Variants in NRXN3 observed in about 807,000 individuals in gnomAD.
The protein encoded by NRXN3 is neurexin III.
Under a neutral mutation model 137.6 loss-of-function variants are expected in NRXN3, and 32 were observed. The ratio of observed to expected loss-of-function variants is 0.23; its 90% CI spans 0.18 to 0.31. The LOEUF (loss-of-function observed/expected upper bound fraction) is 0.31, where lower values mean the gene tolerates loss of function less well. NRXN3 is among the 10% of genes least tolerant of loss of function. The probability of loss-of-function intolerance (pLI) is 1.00; values close to 1 mark genes in which losing one functional copy is unlikely to be tolerated. For synonymous variants in NRXN3, 798 were observed against 784.5 expected (o/e 1.02, Z -0.29); for missense variants, 1,574 against 2,062.5 (o/e 0.76, Z 4.59).
intron 15 of NRXN3, among the ~76,000 whole-genome samples, chr14:78,995,278 G>A (rs1598348034): frequency 6.6e-6 from 1 of 152,108 alleles, no homozygotes; most frequent in Non-Finnish European, 1.5e-5. Context: ...AATGTCTTTA[G>A]CCATTATAGA....
At chr14:78,542,192 A>C (rs569457023) in intron 4 of NRXN3, among the ~76,000 whole-genome samples, 9 of 152,332 alleles carry the variant, frequency 5.9e-5, no homozygotes, top group Admixed American at 5.9e-4. Context: ...TGAGAGAACC[A>C]CTGCTCTCTT....
At chr14:78,838,778 T>C (rs2099003971) in intron 10 of NRXN3, among the ~76,000 whole-genome samples, 1 of 152,096 alleles carries the variant, frequency 6.6e-6, no homozygotes, top group Non-Finnish European at 1.5e-5. Context: ...CAGTTCCTAT[T>C]GATTGGGCAC....
chr14:78,298,509 A>T (rs1200566442), intron 4 of NRXN3, among the ~76,000 whole-genome samples: 1 of 152,252 alleles, frequency 6.6e-6, no homozygotes, highest in African/African-American at 2.4e-5. Flanking sequence ...TAAAATATTC[A>T]AATATGCAAG....
At position 78,263,873 on chromosome 14, in the gene NRXN3, TTGTGTGTGTGTGTGTGTGTGTGTG is replaced by T. The variant is rs3059009; in HGVS notation, c.710-14742_710-14719del. Among the ~76,000 whole-genome samples, 632 of 135,648 alleles carry T rather than the reference TTGTGTGTGTGTGTGTGTGTGTGTG, an allele frequency of 4.7e-3. 6 individuals are homozygous for T. Among genetic ancestry groups the T allele is most frequent in the South Asian group, 0.019 (75 of 3,902 alleles). 89.0% of individuals were successfully genotyped at this position (135,648 alleles called of 152,430 possible). A position where few individuals can be genotyped will look rare whatever the true frequency, so the allele number is the denominator to read the frequency against. On this transcript the variant is annotated intron_variant, in intron 2 of 20. Coordinates refer to ENST00000335750, the MANE Select transcript of NRXN3 (RefSeq NM_001330195.2). ...ATTTTTAGCTGCTGTCAGTTCTATT[TTGTGTGTGTGTGTGTGTGTGTGTG>T]TGTGTGTGTGTGTGTGTGTGTGTGT...
At chr14:79,365,152 A>G (rs1366087648) in intron 15 of NRXN3, among the ~76,000 whole-genome samples, 3 of 152,028 alleles carry the variant, frequency 2.0e-5, no homozygotes, top group African/African-American at 2.4e-5. Flanking sequence ...CCTTCATGTG[A>G]CAGGTTGAAC....
At chr14:79,506,635 A>C (rs966945639) in intron 16 of NRXN3, among the ~76,000 whole-genome samples, 1 of 151,996 alleles carries the variant, frequency 6.6e-6, no homozygotes, top group South Asian at 2.1e-4. Flanking sequence ...TTCCTCTACT[A>C]TTCTATCTAA....
chr14:79,116,952 A>T (rs554403624), intron 15 of NRXN3, among the ~76,000 whole-genome samples: 1 of 152,316 alleles, frequency 6.6e-6, no homozygotes, highest in East Asian at 1.9e-4. Flanking sequence ...ATCTCACCAC[A>T]TCTGGTGAGA....
At chr14:78,416,298 A>G (rs1313904751) in intron 4 of NRXN3, among the ~76,000 whole-genome samples, 1 of 152,198 alleles carries the variant, frequency 6.6e-6, no homozygotes, top group South Asian at 2.1e-4. Flanking sequence ...GAGTGGGTTA[A>G]TGTTTTCAGA....
chr14:79,656,185 G>C (rs183042790), intron 16 of NRXN3, among the ~76,000 whole-genome samples: 585 of 152,260 alleles, frequency 3.8e-3, no homozygotes, highest in Non-Finnish European at 6.7e-3. Flanking sequence ...AAGACCGCTG[G>C]GTGGTTCCTC....
intron 4 of NRXN3, among the ~76,000 whole-genome samples, chr14:78,456,864 T>C (rs1393967460): frequency 2.7e-5 from 2 of 73,208 alleles, no homozygotes; most frequent in Non-Finnish European, 8.4e-5. Flanking sequence ...TTTTTCTCTT[T>C]CTTTCTTTCT....
chr14:78,729,694 ACACACACATGCACATG>A (rs1344895164), intron 8 of NRXN3, among the ~76,000 whole-genome samples: 5 of 152,164 alleles, frequency 3.3e-5, no homozygotes, highest in Non-Finnish European at 2.9e-5. Context: ...ATGTACAAAC[ACACACACATGCACATG>A]CACACACATG....
intron 19 of NRXN3, among the ~76,000 whole-genome samples, chr14:79,755,905 T>G (rs1470253205): frequency 6.6e-6 from 1 of 152,192 alleles, no homozygotes; most frequent in Non-Finnish European, 1.5e-5. Flanking sequence ...ACATTTAAGC[T>G]TTACTTAACA....
At chr14:79,358,911 G>A (rs2093585411) in intron 15 of NRXN3, among the ~76,000 whole-genome samples, 1 of 152,138 alleles carries the variant, frequency 6.6e-6, no homozygotes, top group Non-Finnish European at 1.5e-5. Flanking sequence ...CATCAACTAG[G>A]GCAAAGGGGA....
intron 19 of NRXN3, among the ~76,000 whole-genome samples, chr14:79,703,533 G>A (rs929402720): frequency 6.6e-6 from 1 of 152,032 alleles, no homozygotes; most frequent in Non-Finnish European, 1.5e-5. Context: ...AATTTATAAA[G>A]AAAAGAGGTT....
At chr14:79,191,982 G>A (rs1018220725) in intron 15 of NRXN3, among the ~76,000 whole-genome samples, 5 of 151,980 alleles carry the variant, frequency 3.3e-5, no homozygotes, top group Non-Finnish European at 5.9e-5. Context: ...GATGCTGCTT[G>A]CATTCTACCA....
chr14:79,273,172 C>CAAAAAAAAA, intron 15 of NRXN3, among the ~76,000 whole-genome samples: 1 of 20,752 alleles, frequency 4.8e-5, no homozygotes, highest in Non-Finnish European at 7.8e-5. Context: ...ACTCTGTGGC[C>CAAAAAAAAA]AAAAAAAAAA....
At chr14:79,368,494 A>G (rs1484519384) in intron 15 of NRXN3, among the ~76,000 whole-genome samples, 4 of 152,208 alleles carry the variant, frequency 2.6e-5, no homozygotes, top group Non-Finnish European at 4.4e-5. Flanking sequence ...CTCATTGTTT[A>G]AGTGCCATAA....
At chr14:79,017,511 G>A (rs1319758719) in intron 15 of NRXN3, among the ~76,000 whole-genome samples, 1 of 152,034 alleles carries the variant, frequency 6.6e-6, no homozygotes, top group African/African-American at 2.4e-5. Context: ...AGTTAGGGAG[G>A]TTATTCAAGT....
At chr14:78,829,671 A>G (rs1053818223) in intron 10 of NRXN3, among the ~76,000 whole-genome samples, 9 of 152,296 alleles carry the variant, frequency 5.9e-5, no homozygotes, top group Non-Finnish European at 1.2e-4. Flanking sequence ...CTAGTCCTAT[A>G]TTGTAATTTT....
Sources: gnomAD v4.1 joint callset for allele counts (sites outside exome capture counted in the v4.1 genomes callset) on GRCh38, gnomAD v4.1.1 for gene constraint, MANE v1.5 for transcripts, NCBI Gene and HGNC (gene_info 2026-07-23, HGNC 2026-07-21) for gene names.